Variants in SLC22A14 observed in about 807,000 individuals in gnomAD.
The protein encoded by SLC22A14 is solute carrier family 22 member 14.
A neutral mutation model predicts 53.9 loss-of-function variants in SLC22A14; 50 were observed. That is an observed-to-expected ratio of 0.93 (90% CI 0.74 to 1.17). The LOEUF (loss-of-function observed/expected upper bound fraction) is 1.17, where lower values mean the gene tolerates loss of function less well. Ranked by LOEUF, SLC22A14 falls within the 50% of genes most tolerant of loss-of-function variation. The pLI, the probability that SLC22A14 is intolerant of heterozygous loss-of-function variation, is 0.00. For missense variants in SLC22A14, 671 were observed against 734.7 expected, an observed-to-expected ratio of 0.91 and a Z score of 1.00; for synonymous variants, 312 against 303.0, an observed-to-expected ratio of 1.03 and a Z score of -0.31.
At chr3:38,292,977 A>C (rs1269212181) in intron 1 of SLC22A14, among the ~76,000 whole-genome samples, 1 of 152,140 alleles carries the variant, frequency 6.6e-6, no homozygotes, top group East Asian at 1.9e-4. Context: ...CCAGGACAGG[A>C]GAGTAAGACT....
At chr3:38,287,473 T>C (rs4955393) in intron 1 of SLC22A14, among the ~76,000 whole-genome samples, 88,552 of 151,940 alleles carry the variant, frequency 0.58, 26,084 homozygotes, top group Middle Eastern at 0.64. Flanking sequence ...TATGATATGA[T>C]GAATCTAATT....
chr3:38,317,882 G>GTT (rs200418004), intron 10 of SLC22A14, among the ~76,000 whole-genome samples: 2 of 152,174 alleles, frequency 1.3e-5, no homozygotes, highest in African/African-American at 4.8e-5. Flanking sequence ...TCTCCCATGG[G>GTT]TTTTTTTGAG....
At chr3:38,293,109 G>C (rs1477683049) in intron 1 of SLC22A14, among the ~76,000 whole-genome samples, 1 of 152,192 alleles carries the variant, frequency 6.6e-6, no homozygotes, top group Non-Finnish European at 1.5e-5. Context: ...CCTCAGTCCT[G>C]CTGCTGGATC....
At position 38,307,702 on chromosome 3, in the gene SLC22A14, A is replaced by G. The variant is rs1231181866; in HGVS notation, c.757A>G (p.Ile253Val). ...GISQSVVGYA[I>V]SSISLATEWL... ...CTCGCAGTCAGTGGTGGGCTACGCC[A>G]TCAGCAGCATTTCTTTGGGTGAGAC... The change falls in exon 4 of 11, where the codon ATC becomes GTC. Residue 253 changes from isoleucine to valine, a missense_variant. Physicochemically the swap from Ile to Val is conservative, Grantham distance 29 (BLOSUM62 3). Transcript: ENST00000448498. The surrounding 1 kb of genome is among the most constrained non-coding windows in gnomAD (Gnocchi z 4.4). 6.2e-7 allele frequency: 1 copy of G among 1,614,048 alleles called. No individual in the cohort carries two copies. The highest frequency in any genetic ancestry group is 1.3e-5 in the African/African-American group (1 of 74,932).
chr3:38,292,055 T>A (rs1703924855), intron 1 of SLC22A14, among the ~76,000 whole-genome samples: 1 of 152,272 alleles, frequency 6.6e-6, no homozygotes, highest in Non-Finnish European at 1.5e-5. Flanking sequence ...GCTGAGCCTT[T>A]GGTTTGGAAA....
chr3:38,296,202 A>C (rs1704033544), intron 1 of SLC22A14, among the ~76,000 whole-genome samples: 2 of 152,266 alleles, frequency 1.3e-5, no homozygotes, highest in East Asian at 3.9e-4. Context: ...TTGAATAGAG[A>C]CTTCTGGCTG....
chr3:38,303,239 TCTTAA>T (rs1704212154), intron 1 of SLC22A14, among the ~76,000 whole-genome samples: 2 of 152,170 alleles, frequency 1.3e-5, no homozygotes, highest in African/African-American at 4.8e-5. Flanking sequence ...TTAATTTTTG[TCTTAA>T]CTTTACTACG....
intron 4 of SLC22A14, chr3:38,308,127 C>A (rs1093683): frequency 0.84 from 123,228 of 146,148 alleles, 52,302 homozygotes; most frequent in Non-Finnish European, 0.87. Context: ...AAAGAAAAAA[C>A]AACAAAAAAC....
intron 1 of SLC22A14, among the ~76,000 whole-genome samples, chr3:38,295,693 C>T (rs1704017737): frequency 6.6e-6 from 1 of 151,874 alleles, no homozygotes; most frequent in Non-Finnish European, 1.5e-5. Flanking sequence ...CTCTTTCTTT[C>T]TCTCTTTGAC....
chr3:38,302,719 C>T (rs185603905), intron 1 of SLC22A14, among the ~76,000 whole-genome samples: 2 of 152,272 alleles, frequency 1.3e-5, no homozygotes, highest in East Asian at 1.9e-4. Flanking sequence ...ATTTGATTTA[C>T]TAACATTGTA....
At position 38,308,992 on chromosome 3, in the gene SLC22A14, A is replaced by G. The variant is rs1345749889; in HGVS notation, c.814A>G (p.Ile272Val). The change falls in exon 5 of 11, where the codon ATT becomes GTT. Residue 272 changes from isoleucine to valine, a missense_variant. By Grantham distance (29) the Ile-to-Val change is conservative. Transcript: ENST00000448498. ...WLVGEHRAHA[I>V]ILGHCFFAVG... The stretch of plus-strand genomic sequence containing the variant: ...AGTGGGTGAGCACCGGGCCCATGCC[A>G]TTATCCTGGGACACTGCTTTTTCGC... 6 of 1,614,178 alleles carry G rather than the reference A, an allele frequency of 3.7e-6. No individual in the cohort carries two copies. Among genetic ancestry groups the G allele is most frequent in the Middle Eastern group, 1.6e-4 (1 of 6,062 alleles).
At chr3:38,310,558 T>TA (rs1183667879) in intron 5 of SLC22A14, among the ~76,000 whole-genome samples, 1 of 152,122 alleles carries the variant, frequency 6.6e-6, no homozygotes, top group Non-Finnish European at 1.5e-5. Context: ...GGACATCAGA[T>TA]AAAATAGACC....
At chr3:38,293,201 C>T (rs890466722) in intron 1 of SLC22A14, among the ~76,000 whole-genome samples, 9 of 152,260 alleles carry the variant, frequency 5.9e-5, no homozygotes, top group South Asian at 2.1e-4. Flanking sequence ...ACATAAGGGG[C>T]GTGGATGAGG....
rs762734292 is a variant in SLC22A14, at chr3:38,313,063, C to T, written c.1009C>T (p.Leu337=). ...KGKVKEAKQV[L]CYAASVNKKT... is the part of the protein sequence containing the mutation. ...GAAGGTGAAGGAGGCCAAGCAGGTG[C>T]TGTGCTACGCCGCAAGTGTGAACAA... is the stretch of plus-strand genomic sequence containing the variant. Residue 337 remains leucine (L), a synonymous_variant, in exon 6 of 11, where the codon CTG becomes TTG. Transcript: ENST00000448498. 4.9e-5 allele frequency: 78 copies of T among 1,602,122 alleles called. No homozygotes were observed. The Admixed American group carries it at 1.3e-3, about 27-fold the overall frequency.
intron 1 of SLC22A14, among the ~76,000 whole-genome samples, chr3:38,290,086 A>G (rs1409937119): frequency 1.3e-5 from 2 of 152,176 alleles, no homozygotes; most frequent in Non-Finnish European, 2.9e-5. Context: ...GCTAAGTTGC[A>G]AGCCCTATGT....
At chr3:38,297,787 T>C (rs895788415) in intron 1 of SLC22A14, among the ~76,000 whole-genome samples, 1 of 152,324 alleles carries the variant, frequency 6.6e-6, no homozygotes, top group South Asian at 2.1e-4. Context: ...TAAAATGATA[T>C]CTGCCAAATT....
Position 38,318,296 on chromosome 3 carries a change from G to C in SLC22A14, c.*47G>C. 4 of 1,540,458 alleles carry C rather than the reference G, an allele frequency of 2.6e-6. No individual in the cohort carries two copies. The highest frequency in any genetic ancestry group is 3.6e-6 in the Non-Finnish European group (4 of 1,112,710). ...TCTCAATGCCCAGATCCTGAGATTG[G>C]ACCCATACCCTGTCTCCAACCCTGC... On this transcript the variant is annotated 3_prime_UTR_variant, in exon 11 of 11. Transcript: ENST00000448498.
At chr3:38,315,466 C>A in intron 8 of SLC22A14, 92 bp from the exon 9 acceptor site, 1 of 1,352,438 alleles carries the variant, frequency 7.4e-7, no homozygotes, top group Non-Finnish European at 1.0e-6. Context: ...AGCCTGCTGG[C>A]CAGCTGGGCA....
upstream of SLC22A14, among the ~76,000 whole-genome samples, chr3:38,279,834 A>G (rs1353161674): frequency 6.6e-6 from 1 of 152,114 alleles, no homozygotes; most frequent in Non-Finnish European, 1.5e-5. Context: ...AATGGTGACT[A>G]TCAGTCCTAA....
Sources: gnomAD v4.1 joint callset for allele counts (sites outside exome capture counted in the v4.1 genomes callset) on GRCh38, gnomAD v4.1.1 for gene constraint, Gnocchi (gnomAD v3.1) non-coding constraint, MANE v1.5 for transcripts, NCBI Gene and HGNC (gene_info 2026-07-23, HGNC 2026-07-21) for gene names.